LPIN2: variants seen among roughly 807,000 people sequenced by gnomAD.
The protein encoded by LPIN2 is lipin 2.
In LPIN2, 55 loss-of-function variants were observed where a neutral mutation model predicts 111.4. The ratio of observed to expected loss-of-function variants is 0.49; its 90% CI spans 0.40 to 0.62. The LOEUF is 0.62. Among genes scored for constraint, LPIN2 ranks in the 20% least tolerant of loss-of-function variants. The pLI, the probability that LPIN2 is intolerant of heterozygous loss-of-function variation, is 0.00. For missense variants in LPIN2, 992 were observed against 1,112.1 expected (o/e 0.89, Z 1.54); for synonymous variants, 425 against 414.0 (o/e 1.03, Z -0.32).
chr18:2,926,301 G>C (rs934682416), intron 13 of LPIN2, among the ~76,000 whole-genome samples: 1 of 152,182 alleles, frequency 6.6e-6, no homozygotes. Context: ...GGAACACGGC[G>C]TATCGCGAGC....
intron 1 of LPIN2, among the ~76,000 whole-genome samples, chr18:3,007,750 G>C (rs991674357): frequency 6.6e-6 from 1 of 152,204 alleles, no homozygotes; most frequent in Non-Finnish European, 1.5e-5. Context: ...CCAAATCAGA[G>C]CTTCTAATTC....
chr18:2,968,824 G>A (rs1369704605), intron 1 of LPIN2, among the ~76,000 whole-genome samples: 1 of 152,162 alleles, frequency 6.6e-6, no homozygotes, highest in African/African-American at 2.4e-5. Context: ...CTTCTGTTCA[G>A]GGAAGCGACA....
chr18:2,950,093 C>T lies in LPIN2; in HGVS notation c.590+962G>A, dbSNP rs144978637. Reference sequence around the variant, plus strand: ...TCCAGCCTGGGCAACACAGGGAGAACCTGTCTCAATTAAAAAACAAAACAA... The same window carrying T: ...TCCAGCCTGGGCAACACAGGGAGAATCTGTCTCAATTAAAAAACAAAACAA... On this transcript the variant is annotated intron_variant, in intron 4 of 19. Transcript: ENST00000677752. 3.0e-3 allele frequency among the ~76,000 whole-genome samples: 453 copies of T among 152,194 alleles called. 3 individuals carry two copies. The highest frequency in any genetic ancestry group is 0.024 in the Middle Eastern group (7 of 294).
In LPIN2 at chr18:2,920,182, G is replaced by T; in HGVS notation, c.*111C>A. 6.9e-7 allele frequency: 1 copy of T among 1,456,510 alleles called. No homozygotes were observed. The highest frequency in any genetic ancestry group is 9.6e-7 in the Non-Finnish European group (1 of 1,045,798). The allele number at this position is 1,456,510 out of a possible 1,614,324, so 90.2% of individuals were successfully genotyped here. A position where few individuals can be genotyped will look rare whatever the true frequency, so the allele number is the denominator to read the frequency against. ...GAGGATGGCGGGACCAGCTCCAGAA[G>T]CACCCGTCCCCGCTGGGGAAGGCTG... On this transcript the variant is annotated 3_prime_UTR_variant, in exon 20 of 20. Coordinates refer to ENST00000677752, the MANE Select transcript of LPIN2 (RefSeq NM_001375808.2).
At chr18:2,999,255 G>A (rs1023601015) in intron 1 of LPIN2, among the ~76,000 whole-genome samples, 1 of 152,132 alleles carries the variant, frequency 6.6e-6, no homozygotes, top group African/African-American at 2.4e-5. Flanking sequence ...GTTAAAACGA[G>A]GTCATTAAGG....
At position 2,997,073 on chromosome 18, in the gene LPIN2, C is replaced by T. The variant is rs112045951; in HGVS notation, c.-10+16014G>A. On this transcript the variant is annotated intron_variant, in intron 1 of 19. Coordinates refer to ENST00000677752, the MANE Select transcript of LPIN2 (RefSeq NM_001375808.2). ...CTCGGCTCATTGCAACCTCCACCTC[C>T]CGGATTCAAGCAATTCTCCTGCTTC... is the stretch of plus-strand genomic sequence containing the variant. 2.0e-3 allele frequency among the ~76,000 whole-genome samples: 298 copies of T among 152,142 alleles called. 2 individuals carry two copies. The highest frequency in any genetic ancestry group is 2.8e-3 in the Non-Finnish European group (192 of 67,994).
chr18:2,921,907 A>G (rs2077059869), intron 17 of LPIN2, 140 bp downstream of exon 17: 11 of 1,216,398 alleles, frequency 9.0e-6, no homozygotes, highest in Non-Finnish European at 1.2e-5. Context: ...ATGTGGTAGG[A>G]CACCACCAGG....
intron 2 of LPIN2, 87 bp downstream of exon 2, chr18:2,960,562 G>A: frequency 1.6e-6 from 2 of 1,288,600 alleles, no homozygotes; most frequent in Non-Finnish European, 2.2e-6. Context: ...TTTATTCATA[G>A]AGGATGACTT....
At chr18:2,920,946 C>CA in intron 18 of LPIN2, 65 bp from the exon 19 acceptor site, 6 of 1,090,416 alleles carry the variant, frequency 5.5e-6, no homozygotes, top group Non-Finnish European at 8.5e-6. Flanking sequence ...TTCTCAGGCT[C>CA]CTTGTGAGCC....
At chr18:2,995,983 T>TA (rs1383183494) in intron 1 of LPIN2, among the ~76,000 whole-genome samples, 1 of 152,180 alleles carries the variant, frequency 6.6e-6, no homozygotes, top group Non-Finnish European at 1.5e-5. Context: ...TACATGTGTA[T>TA]AACGGAGGAC....
chr18:2,976,787 T>A (rs1193765634), intron 1 of LPIN2, among the ~76,000 whole-genome samples: 1 of 152,182 alleles, frequency 6.6e-6, no homozygotes, highest in African/African-American at 2.4e-5. Flanking sequence ...TTAACCCAGT[T>A]ATGGAAAATG....
At chr18:2,960,254 G>A (rs866125247) in intron 2 of LPIN2, among the ~76,000 whole-genome samples, 8 of 149,992 alleles carry the variant, frequency 5.3e-5, no homozygotes, top group Non-Finnish European at 1.2e-4. Context: ...TTTACAATTA[G>A]TATGAAGGTA....
At chr18:2,921,270 G>A (rs1250992377) in intron 18 of LPIN2, 4 of 578,966 alleles carry the variant, frequency 6.9e-6, no homozygotes, top group East Asian at 5.9e-5. Context: ...AGAGGAGCCG[G>A]AGCTGCCTGA....
At position 2,939,622 on chromosome 18, in the gene LPIN2, CACACGATGACTTGAAAGTCGGG is replaced by C; in HGVS notation, c.699-41_699-20del. ...ATAGGTGCTGCAAAGAGAACAAAGA[CACACGATGACTTGAAAGTCGGG>C]AAACCTTCAGTCTTGCTGAGCCTGA... On this transcript the variant is annotated intron_variant, in intron 5 of 19. Coordinates refer to ENST00000677752, the MANE Select transcript of LPIN2 (RefSeq NM_001375808.2). The C allele has an allele frequency of 6.2e-7, 1 of 1,611,656 alleles. No individual in the cohort carries two copies. The highest frequency in any genetic ancestry group is 8.5e-7 in the Non-Finnish European group (1 of 1,179,198).
rs1301397123 is a variant in LPIN2, at chr18:2,931,321, A to G, written c.1391T>C (p.Met464Thr). ...GGAGAGGGTAACGTCAGGCAAGTCC[A>G]TGGCAGAATCTGAGAGGCACTCGGT... is the stretch of plus-strand genomic sequence containing the variant. ...SGTECLSDSAMDLPDVTLSLC... is the reference protein window; with the variant it reads ...SGTECLSDSATDLPDVTLSLC... The change falls in exon 9 of 20, where the codon ATG (methionine) becomes ACG (threonine). Residue 464 changes from methionine to threonine, a missense_variant. Around this residue, in one of 4 missense-constraint regions of LPIN2, gnomAD observed 709 missense variants for 753.2 expected, o/e 0.94. Coordinates refer to ENST00000677752, the MANE Select transcript of LPIN2 (RefSeq NM_001375808.2). 3 of 1,614,102 alleles carry G rather than the reference A, an allele frequency of 1.9e-6. No homozygotes were observed. Among genetic ancestry groups the G allele is most frequent in the Non-Finnish European group, 1.7e-6 (2 of 1,180,054 alleles).
At chr18:2,971,619 G>A (rs1307175955) in intron 1 of LPIN2, among the ~76,000 whole-genome samples, 1 of 152,186 alleles carries the variant, frequency 6.6e-6, no homozygotes, top group East Asian at 1.9e-4. Flanking sequence ...ATAAATGAAT[G>A]AATGAATGCA....
chr18:2,993,241 G>T (rs1598606400), intron 1 of LPIN2, among the ~76,000 whole-genome samples: 1 of 151,866 alleles, frequency 6.6e-6, no homozygotes, highest in Non-Finnish European at 1.5e-5. Flanking sequence ...AAAAAGGTAG[G>T]AGAAGAAAAA....
chr18:2,966,060 G>C (rs757582871), intron 1 of LPIN2, among the ~76,000 whole-genome samples: 1 of 151,776 alleles, frequency 6.6e-6, no homozygotes, highest in African/African-American at 2.4e-5. Flanking sequence ...CTTGGCCTCC[G>C]GAGAAGCTGG....
intron 1 of LPIN2, among the ~76,000 whole-genome samples, chr18:2,971,387 C>T (rs1167028075): frequency 6.6e-6 from 1 of 152,116 alleles, no homozygotes; most frequent in Non-Finnish European, 1.5e-5. Context: ...AAGCAGAGGT[C>T]ACAAGATGGG....
Sources: gnomAD v4.1 joint callset for allele counts (sites outside exome capture counted in the v4.1 genomes callset) on GRCh38, gnomAD v4.1.1 for gene constraint, gnomAD v4.1.1 regional missense constraint, MANE v1.5 for transcripts, NCBI Gene and HGNC (gene_info 2026-07-23, HGNC 2026-07-21) for gene names.